The following LINGO1 variants were observed in gnomAD, a reference collection of about 807,000 sequenced individuals.
The protein encoded by LINGO1 is leucine rich repeat and Ig domain containing 1, also known as leucine-rich repeat and immunoglobulin-like domain-containing nogo receptor-interacting protein 1.
Under a neutral mutation model 37.3 loss-of-function variants are expected in LINGO1, and 11 were observed. The observed-to-expected ratio is 0.29, with a 90% CI of 0.19 to 0.49. The LOEUF (loss-of-function observed/expected upper bound fraction) is 0.49, where lower values mean the gene tolerates loss of function less well. Among genes scored for constraint, LINGO1 ranks in the 20% least tolerant of loss-of-function variants. The probability of loss-of-function intolerance (pLI) is 0.99; values close to 1 mark genes in which losing one functional copy is unlikely to be tolerated. For synonymous variants in LINGO1, 387 were observed against 403.0 expected (o/e 0.96, Z 0.48); for missense variants, 585 against 878.2 (o/e 0.67, Z 4.22).
At chr15:77,737,720 T>A (rs540388716) in intron 1 of LINGO1, among the ~76,000 whole-genome samples, 4 of 151,806 alleles carry the variant, frequency 2.6e-5, no homozygotes, top group Non-Finnish European at 4.4e-5. Context: ...CTCAGCAGCA[T>A]CTGACATGGC....
At chr15:77,710,984 C>A (rs151264949) in intron 2 of LINGO1, among the ~76,000 whole-genome samples, 1 of 152,234 alleles carries the variant, frequency 6.6e-6, no homozygotes, top group Non-Finnish European at 1.5e-5. Context: ...GCAGCCCGCA[C>A]GGCCTTGCTT....
chr15:77,634,896 G>A (rs889457050), upstream of LINGO1, among the ~76,000 whole-genome samples: 2 of 152,218 alleles, frequency 1.3e-5, no homozygotes, highest in African/African-American at 4.8e-5. Flanking sequence ...CGGGCGCGCA[G>A]ACCCGCTGGG....
chr15:77,633,114 C>T (rs1375446350), upstream of LINGO1, among the ~76,000 whole-genome samples: 2 of 151,838 alleles, frequency 1.3e-5, no homozygotes, highest in African/African-American at 4.8e-5. Context: ...GGCAGCGAAA[C>T]AGGCAGGGGT....
At position 77,775,875 on chromosome 15, in the gene LINGO1, C is replaced by T. The variant is rs1567577007; in HGVS notation, c.-257+10994G>A. On this transcript the variant is annotated intron_variant, in intron 1 of 3. Coordinates refer to the LINGO1 transcript ENST00000561686. ...CCACACAGCAGCGGGCACCCCACTG[C>T]CCCACACACACGCAGTTCCAGGCCT... Among the ~76,000 whole-genome samples, 3 of 152,218 alleles carry T rather than the reference C, an allele frequency of 2.0e-5. No individual in the cohort carries two copies. In the South Asian group the frequency reaches 6.2e-4, roughly 32 times the overall value.
chr15:77,647,940 A>G, intron 3 of LINGO1: 1 of 453,476 alleles, frequency 2.2e-6, no homozygotes, highest in African/African-American at 2.1e-5. Context: ...TGGTGCCACC[A>G]TTGCTAACTG....
upstream of LINGO1, among the ~76,000 whole-genome samples, chr15:77,635,368 C>T (rs147630933): frequency 2.7e-3 from 413 of 152,256 alleles, 1 homozygote; most frequent in African/African-American, 9.3e-3. Context: ...AGTACGGGTC[C>T]CTGGCATTGT....
intron 3 of LINGO1, among the ~76,000 whole-genome samples, chr15:77,663,838 C>A (rs2075053297): frequency 6.6e-6 from 1 of 152,196 alleles, no homozygotes; most frequent in African/African-American, 2.4e-5. Context: ...CTGAGTGTGG[C>A]ATAAATGACC....
intron 1 of LINGO1, among the ~76,000 whole-genome samples, chr15:77,779,179 C>T (rs1159636184): frequency 6.6e-6 from 1 of 152,076 alleles, no homozygotes; most frequent in Non-Finnish European, 1.5e-5. Context: ...CCTTTCCCCA[C>T]TTCTCCTTGT....
At chr15:77,705,204 C>CACACACACACACACA (rs1332650126) in intron 2 of LINGO1, among the ~76,000 whole-genome samples, 2 of 150,428 alleles carry the variant, frequency 1.3e-5, no homozygotes, top group East Asian at 1.9e-4. Context: ...CACACACACA[C>CACACACACACACACA]ACCAGTCCAC....
At chr15:77,806,833 C>T (rs533356075) in intron 1 of LINGO1, among the ~76,000 whole-genome samples, 13 of 152,212 alleles carry the variant, frequency 8.5e-5, no homozygotes, top group East Asian at 1.9e-4. Flanking sequence ...CCCCCCAGGC[C>T]GTGGTGACCA....
intron 1 of LINGO1, among the ~76,000 whole-genome samples, chr15:77,803,399 G>T (rs1236084296): frequency 6.6e-6 from 1 of 151,576 alleles, no homozygotes; most frequent in African/African-American, 2.4e-5. Context: ...AGTGAGCTAA[G>T]ACCACACCGC....
chr15:77,802,936 C>A (rs541572148), intron 1 of LINGO1, among the ~76,000 whole-genome samples: 1 of 152,306 alleles, frequency 6.6e-6, no homozygotes, highest in African/African-American at 2.4e-5. Context: ...CCCCAAGTGG[C>A]CTTCAGCTTC....
chr15:77,780,746 G>A (rs1181120540), intron 1 of LINGO1, among the ~76,000 whole-genome samples: 1 of 152,064 alleles, frequency 6.6e-6, no homozygotes, highest in African/African-American at 2.4e-5. Context: ...CTTATAAGAA[G>A]AGGTACCACA....
chr15:77,635,517 C>A (rs2074378849), upstream of LINGO1, among the ~76,000 whole-genome samples: 1 of 152,130 alleles, frequency 6.6e-6, no homozygotes, highest in Non-Finnish European at 1.5e-5. Context: ...GTCCCAGGGC[C>A]ATGGAGAATG....
chr15:77,724,858 C>T (rs1471371317), intron 2 of LINGO1, among the ~76,000 whole-genome samples: 1 of 152,178 alleles, frequency 6.6e-6, no homozygotes, highest in African/African-American at 2.4e-5. Flanking sequence ...GGCAGACCTT[C>T]AAGAAAAAGC....
intron 2 of LINGO1, among the ~76,000 whole-genome samples, chr15:77,686,215 G>A (rs1023269827): frequency 6.6e-6 from 1 of 152,114 alleles, no homozygotes; most frequent in Non-Finnish European, 1.5e-5. Flanking sequence ...CCCAACTGAG[G>A]CCCTCCTCAC....
chr15:77,720,137 A>C (rs1450415102), intron 2 of LINGO1, among the ~76,000 whole-genome samples: 2 of 138,216 alleles, frequency 1.4e-5, no homozygotes, highest in African/African-American at 2.5e-5. Context: ...TCCTACCACC[A>C]GCCCCACCCC....
At chr15:77,633,911 A>G (rs912172877), upstream of LINGO1, among the ~76,000 whole-genome samples, 1 of 152,090 alleles carries the variant, frequency 6.6e-6, no homozygotes, top group Non-Finnish European at 1.5e-5. Context: ...TACCCCCTCC[A>G]TCTCCTTGAA....
chr15:77,632,227 C>T lies in LINGO1; in HGVS notation c.6+83G>A. Reference sequence around the variant, plus strand: ...GAGGTGCCCTGCAACCCCAGGAGGGCGCAGCCAGGGCCGATGGCGGCCCCC... The same window carrying T: ...GAGGTGCCCTGCAACCCCAGGAGGGTGCAGCCAGGGCCGATGGCGGCCCCC... On this transcript the variant is annotated intron_variant, in intron 1 of 1. Coordinates refer to ENST00000355300, the MANE Select transcript of LINGO1 (RefSeq NM_032808.7). The surrounding 1 kb of genome is among the most constrained non-coding windows in gnomAD (Gnocchi z 6.0). 1 of 1,285,144 alleles carries T rather than the reference C, an allele frequency of 7.8e-7. No individual in the cohort carries two copies. Among genetic ancestry groups the T allele is most frequent in the Non-Finnish European group, 9.8e-7 (1 of 1,015,544 alleles). 79.6% of individuals were successfully genotyped at this position (1,285,144 alleles called of 1,614,324 possible).
Sources: gnomAD v4.1 joint callset for allele counts (sites outside exome capture counted in the v4.1 genomes callset) on GRCh38, gnomAD v4.1.1 for gene constraint, Gnocchi (gnomAD v3.1) non-coding constraint, MANE v1.5 for transcripts, NCBI Gene and HGNC (gene_info 2026-07-23, HGNC 2026-07-21) for gene names.